Variants in ATRNL1 observed in about 807,000 individuals in gnomAD.
ATRNL1 encodes attractin-like protein 1.
A neutral mutation model predicts 182.7 loss-of-function variants in ATRNL1; 95 were observed. That is an observed-to-expected ratio of 0.52 (90% confidence interval 0.44 to 0.62). ATRNL1 has a LOEUF of 0.62. ATRNL1 is among the 20% of genes least tolerant of loss of function. ATRNL1 has a pLI of 0.00. For missense variants in ATRNL1, 1,471 were observed against 1,679.5 expected (o/e 0.88, Z 2.17); for synonymous variants, 576 against 568.3 (o/e 1.01, Z -0.19).
At chr10:115,531,102 C>T (rs1177055384) in intron 25 of ATRNL1, among the ~76,000 whole-genome samples, 2 of 151,940 alleles carry the variant, frequency 1.3e-5, no homozygotes, top group African/African-American at 4.8e-5. Context: ...GTGCATGTGT[C>T]TTTATAGCAG....
intron 1 of ATRNL1, among the ~76,000 whole-genome samples, chr10:115,099,106 G>A (rs2085095789): frequency 6.6e-6 from 1 of 152,130 alleles, no homozygotes; most frequent in Non-Finnish European, 1.5e-5. Flanking sequence ...GCCAATTCCT[G>A]TCCCAGGGCA....
At chr10:115,658,449 A>G (rs1565257824) in intron 26 of ATRNL1, among the ~76,000 whole-genome samples, 2 of 152,314 alleles carry the variant, frequency 1.3e-5, no homozygotes, top group Non-Finnish European at 2.9e-5. Flanking sequence ...AATGAAAAAT[A>G]GACTATTCTA....
intron 28 of ATRNL1, among the ~76,000 whole-genome samples, chr10:115,909,743 A>T (rs2134518100): frequency 6.6e-6 from 1 of 152,124 alleles, no homozygotes; most frequent in East Asian, 1.9e-4. Flanking sequence ...AGGGGAGGAC[A>T]TATACTGAAT....
chr10:115,270,373 A>ATATATAATATATAAATCTG (rs1851802631), intron 13 of ATRNL1, among the ~76,000 whole-genome samples: 2 of 18,428 alleles, frequency 1.1e-4, no homozygotes, highest in Non-Finnish European at 1.7e-4. Flanking sequence ...ATATAAATCT[A>ATATATAATATATAAATCTG]TTATATAATA....
intron 26 of ATRNL1, among the ~76,000 whole-genome samples, chr10:115,640,857 C>T (rs1191374034): frequency 6.6e-6 from 1 of 152,074 alleles, no homozygotes; most frequent in Non-Finnish European, 1.5e-5. Flanking sequence ...ATGCCTATGT[C>T]CTGAATGGTA....
In ATRNL1 at chr10:115,140,605, T is replaced by C. The variant is rs138719145; in HGVS notation, c.829+11070T>C. On this transcript the variant is annotated intron_variant, in intron 5 of 28. Transcript: ENST00000355044. ...ATGTAAGAGAGTTGCTTAACTGTTA[T>C]CAAATTGTTCCTGTTCCTTTTCTAT... Among the ~76,000 whole-genome samples the C allele has an allele frequency of 1.1e-3, 171 of 152,342 alleles. 2 individuals are homozygous for C. Among genetic ancestry groups the C allele is most frequent in the African/African-American group, 3.3e-3 (136 of 41,594 alleles).
chr10:115,233,153 G>A (rs540350517), intron 9 of ATRNL1, among the ~76,000 whole-genome samples: 27 of 152,072 alleles, frequency 1.8e-4, no homozygotes, highest in Non-Finnish European at 3.2e-4. Flanking sequence ...CTTCTTGTAA[G>A]GACACCAGTC....
intron 19 of ATRNL1, among the ~76,000 whole-genome samples, chr10:115,379,119 G>A (rs536777583): frequency 2.0e-5 from 3 of 151,672 alleles, no homozygotes; most frequent in African/African-American, 7.3e-5. Flanking sequence ...AGTTGATACT[G>A]CAACTTTATA....
chr10:115,098,485 C>A (rs1456644607), intron 1 of ATRNL1, among the ~76,000 whole-genome samples: 1 of 120,206 alleles, frequency 8.3e-6, no homozygotes, highest in African/African-American at 3.6e-5. Context: ...TTTTTGAGAC[C>A]GAGTCTGGCT....
intron 28 of ATRNL1, among the ~76,000 whole-genome samples, chr10:115,934,708 A>C (rs1293728956): frequency 1.3e-5 from 2 of 152,134 alleles, no homozygotes; most frequent in African/African-American, 4.8e-5. Flanking sequence ...TCCATGCTAC[A>C]CTAGAGGTGT....
intron 8 of ATRNL1, among the ~76,000 whole-genome samples, chr10:115,198,563 T>C (rs1848443602): frequency 6.6e-6 from 1 of 152,212 alleles, no homozygotes; most frequent in Non-Finnish European, 1.5e-5. Context: ...TTTGGCATCA[T>C]ATCCAATAAA....
At chr10:115,150,198 T>G (rs1169796910) in intron 5 of ATRNL1, among the ~76,000 whole-genome samples, 1 of 152,044 alleles carries the variant, frequency 6.6e-6, no homozygotes, top group African/African-American at 2.4e-5. Context: ...ACGTGTCCTT[T>G]TACATTTCTG....
chr10:115,697,148 C>A (rs1484405537), intron 26 of ATRNL1, among the ~76,000 whole-genome samples: 1 of 152,104 alleles, frequency 6.6e-6, no homozygotes, highest in Non-Finnish European at 1.5e-5. Flanking sequence ...ATTTGCATTT[C>A]TCTGATGATC....
chr10:115,516,223 A>G (rs1285985190), intron 24 of ATRNL1, among the ~76,000 whole-genome samples: 3 of 151,716 alleles, frequency 2.0e-5, no homozygotes, highest in Non-Finnish European at 4.4e-5. Context: ...GCACTTTTCT[A>G]TTCTCAATAA....
At chr10:115,547,370 T>G (rs1162094865) in intron 25 of ATRNL1, among the ~76,000 whole-genome samples, 1 of 151,904 alleles carries the variant, frequency 6.6e-6, no homozygotes, top group African/African-American at 2.4e-5. Context: ...GAGTATTTAA[T>G]TAGGTGCTGG....
chr10:115,112,029 C>G, intron 1 of ATRNL1, among the ~76,000 whole-genome samples: 1 of 151,286 alleles, frequency 6.6e-6, no homozygotes, highest in Middle Eastern at 3.4e-3. Context: ...GAAAACAGTT[C>G]CATTTACAAT....
At chr10:115,169,033 T>C (rs1248168637) in intron 7 of ATRNL1, among the ~76,000 whole-genome samples, 2 of 147,888 alleles carry the variant, frequency 1.4e-5, no homozygotes, top group Non-Finnish European at 1.5e-5. Flanking sequence ...TTTTTTTTTT[T>C]GCATGTGACT....
intron 5 of ATRNL1, among the ~76,000 whole-genome samples, chr10:115,137,676 C>T (rs1554877044): frequency 2.0e-5 from 3 of 152,248 alleles, no homozygotes; most frequent in African/African-American, 7.2e-5. Flanking sequence ...AAAGACCTGC[C>T]CCCATGATTC....
At chr10:115,101,605 A>T (rs1843772037) in intron 1 of ATRNL1, among the ~76,000 whole-genome samples, 1 of 152,116 alleles carries the variant, frequency 6.6e-6, no homozygotes, top group Non-Finnish European at 1.5e-5. Flanking sequence ...TGGTTTGTTA[A>T]AGTTTTATTT....
Sources: allele counts gnomAD v4.1 joint callset (sites outside exome capture counted in the v4.1 genomes callset), GRCh38; gene constraint gnomAD v4.1.1; transcripts MANE v1.5; gene names NCBI Gene and HGNC (gene_info 2026-07-23, HGNC 2026-07-21).